PRKCI: variants seen among roughly 807,000 people sequenced by gnomAD.
The protein encoded by PRKCI is protein kinase C iota type.
Under a neutral mutation model 84.0 loss-of-function variants are expected in PRKCI, and 43 were observed. The ratio of observed to expected loss-of-function variants is 0.51; its 90% CI spans 0.40 to 0.66. PRKCI has a LOEUF of 0.66. Among genes scored for constraint, PRKCI ranks in the 30% least tolerant of loss-of-function variants. The probability of loss-of-function intolerance (pLI) is 0.00; values close to 1 mark genes in which losing one functional copy is unlikely to be tolerated. For missense variants in PRKCI, 459 were observed against 745.6 expected, an observed-to-expected ratio of 0.62 and a Z score of 4.48; for synonymous variants, 216 against 234.4, an observed-to-expected ratio of 0.92 and a Z score of 0.72.
Position 170,284,672 on chromosome 3 carries a change from G to A in PRKCI, c.1203+76G>A, listed in dbSNP as rs1326139883. On this transcript the variant is annotated intron_variant, in intron 12 of 17. Transcript: ENST00000295797. Reference sequence around the variant, plus strand: ...TTTGTAAAATAACTTCATGTTTAAAGATGAGGAAATGATTACTAATTTTGC... The same window carrying A: ...TTTGTAAAATAACTTCATGTTTAAAAATGAGGAAATGATTACTAATTTTGC... 6 of 1,444,090 alleles carry A rather than the reference G, an allele frequency of 4.2e-6. No individual in the cohort carries two copies. The East Asian group carries it at 9.4e-5, about 23-fold the overall frequency. The allele number at this position is 1,444,090 out of a possible 1,614,324, so 89.5% of individuals were successfully genotyped here. A position where few individuals can be genotyped will look rare whatever the true frequency, so the allele number is the denominator to read the frequency against.
In PRKCI at chr3:170,266,829, C is replaced by T. The variant is rs552289627; in HGVS notation, c.365-1086C>T. Among the ~76,000 whole-genome samples the T allele has an allele frequency of 7.9e-5, 12 of 152,212 alleles. No individual in the cohort carries two copies. In the East Asian group the frequency reaches 1.9e-3, roughly 25 times the overall value. On this transcript the variant is annotated intron_variant, in intron 4 of 17. Transcript: ENST00000295797. ...CCAACGTGGCAAAACCCCATCTTTA[C>T]TAAAAATACAAAAATTAGCCGGGTG... is the stretch of plus-strand genomic sequence containing the variant.
intron 2 of PRKCI, among the ~76,000 whole-genome samples, chr3:170,245,955 T>TTTGTTTGTTTGTTTGTTTTG (rs1553837917): frequency 7.0e-6 from 1 of 143,244 alleles, no homozygotes; most frequent in Non-Finnish European, 1.5e-5. Context: ...CTTTGTTTTT[T>TTTGTTTGTTTGTTTGTTTTG]TTTTTTTTTT....
At chr3:170,236,107 A>AT (rs11407334) in intron 2 of PRKCI, among the ~76,000 whole-genome samples, 116,274 of 145,884 alleles carry the variant, frequency 0.8, 46,349 homozygotes, top group South Asian at 0.88. Context: ...TTTAATTTAA[A>AT]TTTTTTTTTT....
intron 11 of PRKCI, among the ~76,000 whole-genome samples, chr3:170,284,139 C>T (rs1734318465): frequency 3.9e-5 from 6 of 152,080 alleles, no homozygotes. Context: ...TGTGCATGTA[C>T]ATACGGGCAT....
In PRKCI at chr3:170,305,916, A is replaced by G. The variant is rs905685314; in HGVS notation, c.*2789A>G. On this transcript the variant is annotated 3_prime_UTR_variant, in exon 18 of 18. Transcript: ENST00000295797. ...TACTGTGGTCATCATAATGTAATCT[A>G]TTTCTGTACCTTTTTTTTTTTTTTT... 2.1e-5 allele frequency: 3 copies of G among 145,962 alleles called. No homozygotes were observed. The highest frequency in any genetic ancestry group is 4.5e-5 in the Non-Finnish European group (3 of 66,802). 9.0% of individuals were successfully genotyped at this position (145,962 alleles called of 1,614,324 possible).
At chr3:170,238,625 T>G (rs1239000790) in intron 2 of PRKCI, among the ~76,000 whole-genome samples, 3 of 148,450 alleles carry the variant, frequency 2.0e-5, no homozygotes, top group African/African-American at 7.5e-5. Flanking sequence ...ACAGTCTCAC[T>G]CTGTTGCCCA....
chr3:170,294,239 A>G (rs1734640707), intron 14 of PRKCI, among the ~76,000 whole-genome samples: 2 of 152,256 alleles, frequency 1.3e-5, no homozygotes, highest in South Asian at 4.1e-4. Flanking sequence ...AAAGATGGGG[A>G]AAAAAGGCCC....
chr3:170,282,184 C>A (rs1024013887), intron 11 of PRKCI, among the ~76,000 whole-genome samples: 1 of 152,134 alleles, frequency 6.6e-6, no homozygotes, highest in Non-Finnish European at 1.5e-5. Context: ...CATACACATG[C>A]ACACAGTGCT....
intron 11 of PRKCI, 46 bp from the exon 12 acceptor site, chr3:170,284,415 C>G: frequency 6.9e-7 from 1 of 1,452,192 alleles, no homozygotes; most frequent in Middle Eastern, 2.5e-4. Context: ...AAATGTAGAA[C>G]TTAAATATGG....
chr3:170,285,061 G>T (rs181429303), intron 12 of PRKCI, among the ~76,000 whole-genome samples: 1 of 151,202 alleles, frequency 6.6e-6, no homozygotes, highest in Non-Finnish European at 1.5e-5. Flanking sequence ...AGTTACTCCC[G>T]GAATATGTCT....
intron 12 of PRKCI, among the ~76,000 whole-genome samples, chr3:170,286,709 G>C (rs1370258511): frequency 6.6e-6 from 1 of 150,928 alleles, no homozygotes; most frequent in Non-Finnish European, 1.5e-5. Context: ...TAAATATTTT[G>C]GTTTATGAGG....
intron 7 of PRKCI, 42 bp from the exon 8 acceptor site, chr3:170,275,187 C>CT (rs138637605): frequency 0.016 from 20,521 of 1,306,262 alleles, 10 homozygotes; most frequent in Non-Finnish European, 0.016. Context: ...TCTCCTGCAC[C>CT]TTTTTTTTTT....
At chr3:170,251,927 A>G (rs897725481) in intron 2 of PRKCI, among the ~76,000 whole-genome samples, 1 of 150,504 alleles carries the variant, frequency 6.6e-6, no homozygotes, top group African/African-American at 2.4e-5. Context: ...AGAAATTAGG[A>G]AAGATTGGCC....
chr3:170,242,657 AC>A, intron 2 of PRKCI, among the ~76,000 whole-genome samples: 1 of 151,930 alleles, frequency 6.6e-6, no homozygotes, highest in South Asian at 2.1e-4. Context: ...ACTTCCTTTA[AC>A]ATTTCTTTTG....
chr3:170,246,395 C>T lies in PRKCI; in HGVS notation c.223+11044C>T, dbSNP rs560927846. Among the ~76,000 whole-genome samples the T allele has an allele frequency of 2.9e-4, 44 of 152,164 alleles. 1 individual carries two copies. The highest frequency in any genetic ancestry group is 2.1e-3 in the South Asian group (10 of 4,822). On this transcript the variant is annotated intron_variant, in intron 2 of 17. Coordinates refer to ENST00000295797, the MANE Select transcript of PRKCI (RefSeq NM_002740.6). ...CTTGAACTCCTGACCTCAAGTGATCCGCCCGCCTCGGCCTCCTAAAGTGCT... is the reference window on the plus strand; with the variant it reads ...CTTGAACTCCTGACCTCAAGTGATCTGCCCGCCTCGGCCTCCTAAAGTGCT...
intron 12 of PRKCI, among the ~76,000 whole-genome samples, chr3:170,288,200 C>T (rs895887311): frequency 3.8e-4 from 57 of 151,178 alleles, no homozygotes; most frequent in African/African-American, 1.2e-3. Context: ...GACCCGAGAT[C>T]GCGCCACTGC....
intron 17 of PRKCI, among the ~76,000 whole-genome samples, chr3:170,301,200 T>TAG (rs1337752181): frequency 1.3e-5 from 2 of 152,190 alleles, no homozygotes; most frequent in Admixed American, 1.3e-4. Context: ...CATTGTGTAT[T>TAG]AGAAGGAACA....
chr3:170,287,752 ACAC>A (rs1208099289), intron 12 of PRKCI, among the ~76,000 whole-genome samples: 7 of 151,440 alleles, frequency 4.6e-5, no homozygotes, highest in African/African-American at 1.7e-4. Context: ...TCTACTAAAA[ACAC>A]CAAAAGATTA....
At chr3:170,276,309 A>C (rs1734113215) in intron 8 of PRKCI, among the ~76,000 whole-genome samples, 1 of 152,178 alleles carries the variant, frequency 6.6e-6, no homozygotes, top group South Asian at 2.1e-4. Context: ...TAGTTAAAAC[A>C]GCTATCAATT....
Sources: allele counts gnomAD v4.1 joint callset (sites outside exome capture counted in the v4.1 genomes callset), GRCh38; gene constraint gnomAD v4.1.1; transcripts MANE v1.5; gene names NCBI Gene and HGNC (gene_info 2026-07-23, HGNC 2026-07-21).